Variants in SMYD3 observed in about 807,000 individuals in gnomAD.
The protein encoded by SMYD3 is SET and MYND domain containing 3.
Under a neutral mutation model 57.7 loss-of-function variants are expected in SMYD3, and 36 were observed. The ratio of observed to expected loss-of-function variants is 0.62; its 90% confidence interval spans 0.48 to 0.82. The LOEUF (loss-of-function observed/expected upper bound fraction) is 0.82. Among genes scored for constraint, SMYD3 ranks in the 40% least tolerant of loss-of-function variants. SMYD3 has a pLI of 0.00. For missense variants in SMYD3, 515 were observed against 538.8 expected, an observed-to-expected ratio of 0.96 and a Z score of 0.44; for synonymous variants, 211 against 195.0, an observed-to-expected ratio of 1.08 and a Z score of -0.68.
At chr1:246,290,088 G>A (rs944570697) in intron 5 of SMYD3, among the ~76,000 whole-genome samples, 6 of 152,142 alleles carry the variant, frequency 3.9e-5, no homozygotes, top group Non-Finnish European at 8.8e-5. Flanking sequence ...TCAAATATAT[G>A]ATGACAGGAG....
intron 1 of SMYD3, among the ~76,000 whole-genome samples, chr1:246,433,364 A>G (rs993156655): frequency 6.6e-6 from 1 of 152,224 alleles, no homozygotes; most frequent in African/African-American, 2.4e-5. Flanking sequence ...AGAAGAATCA[A>G]TATCACTAAA....
At position 246,225,321 on chromosome 1, in the gene SMYD3, CAAAAAAAAAAAAAAAA is replaced by C. The variant is rs60915002; in HGVS notation, c.531+101864_531+101879del. Among the ~76,000 whole-genome samples, 389 of 76,288 alleles carry C rather than the reference CAAAAAAAAAAAAAAAA, an allele frequency of 5.1e-3. 1 individual carries two copies. The highest frequency in any genetic ancestry group is 9.6e-3 in the Non-Finnish European group (320 of 33,440). 50.0% of individuals were successfully genotyped at this position (76,288 alleles called of 152,430 possible). A position where few individuals can be genotyped will look rare whatever the true frequency, so the allele number is the denominator to read the frequency against. ...GTTATGTGGAAGACTGCTGAAAAGT[CAAAAAAAAAAAAAAAA>C]AAAAAAAAAAAAAAAAAAAACAGAA... is the stretch of plus-strand genomic sequence containing the variant. On this transcript the variant is annotated intron_variant, in intron 5 of 11. Transcript: ENST00000490107.
At chr1:246,058,953 C>G (rs113795217) in intron 5 of SMYD3, among the ~76,000 whole-genome samples, 4,954 of 151,636 alleles carry the variant, frequency 0.033, 111 homozygotes, top group Non-Finnish European at 0.049. Context: ...CCGCTCACTG[C>G]CAGCTCCGCC....
At chr1:245,855,033 T>G (rs575440582) in intron 10 of SMYD3, among the ~76,000 whole-genome samples, 1 of 152,282 alleles carries the variant, frequency 6.6e-6, no homozygotes, top group Admixed American at 6.5e-5. Context: ...GAAGGAAACT[T>G]TTAGCCATGT....
intron 10 of SMYD3, among the ~76,000 whole-genome samples, chr1:245,812,730 CGA>C (rs1278224724): frequency 7.5e-6 from 1 of 134,092 alleles, no homozygotes; most frequent in Admixed American, 7.6e-5. Flanking sequence ...AAAGAGCGAG[CGA>C]GAGAGACAGA....
intron 5 of SMYD3, among the ~76,000 whole-genome samples, chr1:246,183,962 C>T (rs2062593521): frequency 6.6e-6 from 1 of 152,142 alleles, no homozygotes; most frequent in Admixed American, 6.5e-5. Flanking sequence ...AGTCAAAGCG[C>T]TTTAATAAAT....
chr1:245,798,315 G>A (rs1363649870), intron 10 of SMYD3, among the ~76,000 whole-genome samples: 4 of 65,608 alleles, frequency 6.1e-5, no homozygotes. Context: ...GAGCCAGAGC[G>A]GCCCCGGCCC....
chr1:246,269,510 ATAT>A (rs2064174706), intron 5 of SMYD3, among the ~76,000 whole-genome samples: 1 of 145,240 alleles, frequency 6.9e-6, no homozygotes, highest in Non-Finnish European at 1.5e-5. Flanking sequence ...ATTCTGTCAA[ATAT>A]TATTGTTTTC....
At chr1:246,458,915 T>C (rs1200059373) in intron 1 of SMYD3, among the ~76,000 whole-genome samples, 1 of 152,176 alleles carries the variant, frequency 6.6e-6, no homozygotes, top group Non-Finnish European at 1.5e-5. Flanking sequence ...ATTCTATGTG[T>C]ATTCATCTGA....
chr1:246,390,397 G>A (rs1032567364), intron 1 of SMYD3, among the ~76,000 whole-genome samples: 1 of 151,958 alleles, frequency 6.6e-6, no homozygotes, highest in Non-Finnish European at 1.5e-5. Context: ...TAGATGGACA[G>A]TACATGACAA....
At chr1:246,273,203 G>A (rs914047252) in intron 5 of SMYD3, among the ~76,000 whole-genome samples, 4 of 139,616 alleles carry the variant, frequency 2.9e-5, no homozygotes, top group Non-Finnish European at 6.0e-5. Context: ...AGGCTGGAGT[G>A]CAGAGGCACA....
intron 5 of SMYD3, among the ~76,000 whole-genome samples, chr1:246,153,502 C>T (rs2061976134): frequency 6.6e-6 from 1 of 152,162 alleles, no homozygotes; most frequent in African/African-American, 2.4e-5. Context: ...GGGTTTCACT[C>T]TGTCACCCAG....
At chr1:246,146,583 A>C (rs2061846454) in intron 5 of SMYD3, among the ~76,000 whole-genome samples, 1 of 152,214 alleles carries the variant, frequency 6.6e-6, no homozygotes, top group South Asian at 2.1e-4. Context: ...TAAGGCATAA[A>C]AGACTAACAG....
At chr1:246,406,041 A>G (rs1430939234) in intron 1 of SMYD3, among the ~76,000 whole-genome samples, 1 of 152,020 alleles carries the variant, frequency 6.6e-6, no homozygotes, top group Non-Finnish European at 1.5e-5. Context: ...AAATCGCTGC[A>G]ACAGTCTGTT....
intron 5 of SMYD3, among the ~76,000 whole-genome samples, chr1:246,007,551 T>C (rs1039544712): frequency 4.6e-5 from 7 of 152,056 alleles, no homozygotes; most frequent in African/African-American, 1.7e-4. Context: ...GGCTCACATC[T>C]GTAATCCCAG....
intron 5 of SMYD3, among the ~76,000 whole-genome samples, chr1:245,962,511 T>G (rs761266519): frequency 9.2e-5 from 14 of 152,172 alleles, no homozygotes; most frequent in Non-Finnish European, 1.5e-4. Context: ...GTTATTTTAT[T>G]CCTCCATGTC....
chr1:245,889,897 A>C (rs1305601199), intron 8 of SMYD3, among the ~76,000 whole-genome samples: 3 of 152,192 alleles, frequency 2.0e-5, no homozygotes, highest in Admixed American at 2.0e-4. Context: ...AGACACACAG[A>C]CCAATGGAAA....
At chr1:246,080,659 T>C (rs1262798114) in intron 5 of SMYD3, among the ~76,000 whole-genome samples, 2 of 152,196 alleles carry the variant, frequency 1.3e-5, no homozygotes, top group African/African-American at 4.8e-5. Context: ...ACTCTTCTTT[T>C]ACCATACAAA....
chr1:246,431,508 T>C (rs2067296078), intron 1 of SMYD3, among the ~76,000 whole-genome samples: 1 of 152,200 alleles, frequency 6.6e-6, no homozygotes, highest in Non-Finnish European at 1.5e-5. Context: ...GGTGGGTGGA[T>C]GGCTTGAAGC....
Sources: gnomAD v4.1 joint callset for allele counts (sites outside exome capture counted in the v4.1 genomes callset) on GRCh38, gnomAD v4.1.1 for gene constraint, MANE v1.5 for transcripts, NCBI Gene and HGNC (gene_info 2026-07-23, HGNC 2026-07-21) for gene names.